Variants in L3MBTL4 observed in about 807,000 individuals in gnomAD.
L3MBTL4 encodes the protein L3MBTL histone methyl-lysine binding protein 4.
A neutral mutation model predicts 84.5 loss-of-function variants in L3MBTL4; 70 were observed. The ratio of observed to expected loss-of-function variants is 0.83; its 90% confidence interval spans 0.68 to 1.01. L3MBTL4 has a LOEUF of 1.01. Among genes scored for constraint, L3MBTL4 ranks in the 50% least tolerant of loss-of-function variants. The probability of loss-of-function intolerance (pLI) is 0.00; values close to 1 mark genes in which losing one functional copy is unlikely to be tolerated. For synonymous variants in L3MBTL4, 274 were observed against 259.8 expected (o/e 1.05, Z -0.52); for missense variants, 715 against 754.8 (o/e 0.95, Z 0.62).
At chr18:6,374,728 GCCCCGC>G (rs1194616390) in intron 1 of L3MBTL4, among the ~76,000 whole-genome samples, 1 of 151,648 alleles carries the variant, frequency 6.6e-6, no homozygotes, top group Non-Finnish European at 1.5e-5. Flanking sequence ...AACCAGTCAC[GCCCCGC>G]CTCTCCTCAT....
Position 6,093,494 on chromosome 18 carries a change from T to G in L3MBTL4, c.1234A>C (p.Lys412Gln), listed in dbSNP as rs1380594866. The G allele has an allele frequency of 1.2e-6, 2 of 1,613,752 alleles. No homozygotes were observed. The highest frequency in any genetic ancestry group is 1.6e-4 in the Middle Eastern group (1 of 6,082). Residue 412 changes from lysine (K) to glutamine (Q), a missense_variant, in exon 15 of 19, where the codon AAA becomes CAA. Physicochemically the swap from Lys to Gln is moderately conservative, Grantham distance 53 (BLOSUM62 1). Transcript: ENST00000317931. ...FGCPYSDMNL[K>Q]KEATLHDRLR... ...CGATCGTGAAGTGTTGCCTCCTTTT[T>G]CAAGTTCATGTCTGAATACGGGCAG...
intron 1 of L3MBTL4, among the ~76,000 whole-genome samples, chr18:6,346,434 A>G (rs1017121237): frequency 2.0e-5 from 3 of 151,982 alleles, no homozygotes; most frequent in Non-Finnish European, 4.4e-5. Context: ...ATATTGGCAA[A>G]CCATACATTT....
chr18:6,244,319 GA>G (rs2047568821), intron 6 of L3MBTL4, among the ~76,000 whole-genome samples, 164 bp downstream of exon 6: 2 of 152,052 alleles, frequency 1.3e-5, no homozygotes, highest in East Asian at 3.8e-4. Context: ...TTCAGAGAAG[GA>G]AAAAAATTCA....
chr18:6,057,717 C>T (rs2057074961), intron 16 of L3MBTL4, among the ~76,000 whole-genome samples: 1 of 151,822 alleles, frequency 6.6e-6, no homozygotes, highest in African/African-American at 2.4e-5. Context: ...GAGGGAGAAC[C>T]ACGTAAATAA....
intron 16 of L3MBTL4, among the ~76,000 whole-genome samples, chr18:6,040,468 C>G (rs553677273): frequency 6.6e-6 from 1 of 152,300 alleles, no homozygotes; most frequent in African/African-American, 2.4e-5. Context: ...CTGCACCAAT[C>G]CATTACAGAA....
At chr18:6,096,382 A>G (rs1300444195) in intron 14 of L3MBTL4, among the ~76,000 whole-genome samples, 3 of 152,198 alleles carry the variant, frequency 2.0e-5, no homozygotes, top group Non-Finnish European at 2.9e-5. Context: ...GAGCATTGCT[A>G]GAATGGAACA....
chr18:6,214,849 T>C (rs917331648), intron 11 of L3MBTL4, among the ~76,000 whole-genome samples: 4 of 152,188 alleles, frequency 2.6e-5, no homozygotes, highest in African/African-American at 7.2e-5. Flanking sequence ...TTCAGAATTT[T>C]ATTTTCTTGT....
intron 16 of L3MBTL4, among the ~76,000 whole-genome samples, chr18:6,018,399 G>A (rs1032211153): frequency 1.2e-4 from 18 of 152,174 alleles, no homozygotes; most frequent in Non-Finnish European, 1.9e-4. Context: ...CAGCAGGGCT[G>A]AGCCCCCACT....
chr18:6,216,477 T>A (rs142193708), intron 10 of L3MBTL4, among the ~76,000 whole-genome samples: 320 of 152,242 alleles, frequency 2.1e-3, no homozygotes, highest in African/African-American at 7.3e-3. Flanking sequence ...AGTATTTAGA[T>A]TTATTCATCA....
At chr18:6,412,466 G>T (rs1450244259) in intron 1 of L3MBTL4, among the ~76,000 whole-genome samples, 1 of 152,094 alleles carries the variant, frequency 6.6e-6, no homozygotes, top group African/African-American at 2.4e-5. Flanking sequence ...GGAGTGATGG[G>T]GGGAGGAGGG....
At chr18:6,129,762 T>C (rs1421372488) in intron 14 of L3MBTL4, among the ~76,000 whole-genome samples, 2 of 152,102 alleles carry the variant, frequency 1.3e-5, no homozygotes, top group African/African-American at 4.8e-5. Flanking sequence ...GATCAAAGAG[T>C]AGGTCTGATG....
At position 5,969,457 on chromosome 18, in the gene L3MBTL4, C is replaced by T. The variant is rs202182210; in HGVS notation, c.1550G>A (p.Cys517Tyr). 4 of 1,614,016 alleles carry T rather than the reference C, an allele frequency of 2.5e-6. No homozygotes were observed. The highest frequency in any genetic ancestry group is 3.3e-5 in the Admixed American group (2 of 60,020). Residue 517 changes from cysteine (C) to tyrosine (Y), a missense_variant, in exon 17 of 19, where the codon TGC becomes TAC. Transcript: ENST00000317931. The part of the protein sequence containing the change: ...RDLPLGREQH[C>Y]KLLPGVADIR... ...GTCAGCCACGCCTGGAAGCAACTTGCAGTGTTGCTCCCTGCCGAGGGGAAG... is the reference window on the plus strand; with the variant it reads ...GTCAGCCACGCCTGGAAGCAACTTGTAGTGTTGCTCCCTGCCGAGGGGAAG...
rs2047533171 is a variant in L3MBTL4, at chr18:6,243,428, A to T, written c.326T>A (p.Val109Asp). The change falls in exon 7 of 19, where the codon GTT becomes GAT. Residue 109 changes from valine to aspartate, a missense_variant and splice_region_variant. By Grantham distance (152) the Val-to-Asp change is radical (BLOSUM62 -3). Coordinates refer to ENST00000317931, the MANE Select transcript of L3MBTL4 (RefSeq NM_001330559.2). ...ATGAAGTCTTAGACGGTAACCACAA[A>T]CCTGCAAGATAGAAAGTTTACAATC... ...SVFCVLSVAE[V>D]CGYRLRLHFD... 1 of 1,592,648 alleles carries T rather than the reference A, an allele frequency of 6.3e-7. No homozygotes were observed. Among genetic ancestry groups the T allele is most frequent in the African/African-American group, 1.3e-5 (1 of 74,232 alleles).
At chr18:6,109,926 C>T (rs567802944) in intron 14 of L3MBTL4, among the ~76,000 whole-genome samples, 21 of 138,240 alleles carry the variant, frequency 1.5e-4, no homozygotes, top group South Asian at 4.9e-4. Context: ...TGTCAGCCCA[C>T]GTGCACTGGG....
intron 4 of L3MBTL4, among the ~76,000 whole-genome samples, chr18:6,290,995 G>A (rs947413671): frequency 6.6e-6 from 1 of 152,160 alleles, no homozygotes; most frequent in African/African-American, 2.4e-5. Context: ...TGTGCCTGAT[G>A]TAGAGGCCAC....
At chr18:6,168,175 G>C (rs1336133484) in intron 13 of L3MBTL4, among the ~76,000 whole-genome samples, 2 of 152,130 alleles carry the variant, frequency 1.3e-5, no homozygotes, top group African/African-American at 4.8e-5. Flanking sequence ...TGAAATAAAA[G>C]AGGATACAAA....
chr18:6,096,161 C>G (rs2058637773), intron 14 of L3MBTL4, among the ~76,000 whole-genome samples: 1 of 151,958 alleles, frequency 6.6e-6, no homozygotes, highest in Non-Finnish European at 1.5e-5. Flanking sequence ...ACTTATCTGT[C>G]CAGCATCTGT....
intron 4 of L3MBTL4, among the ~76,000 whole-genome samples, chr18:6,296,814 G>C (rs2050126532): frequency 6.6e-6 from 1 of 152,188 alleles, no homozygotes; most frequent in African/African-American, 2.4e-5. Flanking sequence ...AAGGTGGGGA[G>C]ACATTATTTG....
intron 16 of L3MBTL4, among the ~76,000 whole-genome samples, chr18:5,986,096 T>C (rs991179328): frequency 1.1e-4 from 16 of 152,104 alleles, no homozygotes; most frequent in Non-Finnish European, 1.8e-4. Context: ...GAGCAGCTGA[T>C]TTACCTGAGA....
Sources: gnomAD v4.1 joint callset for allele counts (sites outside exome capture counted in the v4.1 genomes callset) on GRCh38, gnomAD v4.1.1 for gene constraint, MANE v1.5 for transcripts, NCBI Gene and HGNC (gene_info 2026-07-23, HGNC 2026-07-21) for gene names.